Variants in SYCP2L observed in about 807,000 individuals in gnomAD.
SYCP2L encodes synaptonemal complex protein 2-like.
SYCP2L carries 98 observed loss-of-function variants against 125.8 expected under a neutral mutation model. The ratio of observed to expected loss-of-function variants is 0.78; its 90% confidence interval spans 0.66 to 0.92. SYCP2L has a LOEUF of 0.92. Among genes scored for constraint, SYCP2L ranks in the 40% least tolerant of loss-of-function variants. The pLI is 0.00. For synonymous variants in SYCP2L, 317 were observed against 325.4 expected, an observed-to-expected ratio of 0.97 and a Z score of 0.28; for missense variants, 842 against 936.4, an observed-to-expected ratio of 0.90 and a Z score of 1.32.
chr6:10,969,837 C>T lies in SYCP2L; in HGVS notation c.*38-4115C>T, dbSNP rs115372605. On this transcript the variant is annotated intron_variant, in intron 29 of 29. Transcript: ENST00000283141. Reference sequence around the variant, plus strand: ...GAAAGATTTACATGATATTAATTGACTTGAGAAGATGTTTAACAGTAAGTG... The same window carrying T: ...GAAAGATTTACATGATATTAATTGATTTGAGAAGATGTTTAACAGTAAGTG... Among the ~76,000 whole-genome samples, 824 of 152,250 alleles carry T rather than the reference C, an allele frequency of 5.4e-3. 4 individuals are homozygous for T. Among genetic ancestry groups the T allele is most frequent in the Admixed American group, 9.3e-3 (142 of 15,288 alleles).
chr6:10,909,357 A>G (rs1173141544), intron 10 of SYCP2L, among the ~76,000 whole-genome samples: 3 of 151,580 alleles, frequency 2.0e-5, no homozygotes, highest in Admixed American at 6.6e-5. Context: ...CCAATTCCCA[A>G]CCTCAGGTGA....
chr6:10,910,025 C>T, intron 10 of SYCP2L, 123 bp from the exon 11 acceptor site: 1 of 685,676 alleles, frequency 1.5e-6, no homozygotes, highest in South Asian at 1.9e-5. Flanking sequence ...CCTTGTAAAG[C>T]CTCATTGATG....
chr6:10,942,357 T>C lies in SYCP2L; in HGVS notation c.1814-102T>C, dbSNP rs1006454106. ...ATTTTTGTTTCACTTAGAACTGTGT[T>C]CCTTTTTTTTGATGATGAGATTTAA... On this transcript the variant is annotated intron_variant, in intron 21 of 29. Coordinates refer to ENST00000283141, the MANE Select transcript of SYCP2L (RefSeq NM_001040274.3). 8.0e-6 allele frequency: 6 copies of C among 753,206 alleles called. No individual in the cohort carries two copies. The Admixed American group carries it at 2.1e-4, about 26-fold the overall frequency. The allele number at this position is 753,206 out of a possible 1,614,324, so 46.7% of individuals were successfully genotyped here. A position where few individuals can be genotyped will look rare whatever the true frequency, so the allele number is the denominator to read the frequency against.
At chr6:10,933,935 G>A (rs1781045075) in intron 20 of SYCP2L, among the ~76,000 whole-genome samples, 1 of 152,142 alleles carries the variant, frequency 6.6e-6, no homozygotes, top group African/African-American at 2.4e-5. Context: ...AGCTTAGTAA[G>A]CTGAGTAAAG....
In SYCP2L at chr6:10,961,348, T is replaced by A; in HGVS notation, c.2299T>A (p.Leu767Met). 5.0e-6 allele frequency: 8 copies of A among 1,614,142 alleles called. No individual in the cohort carries two copies. Among genetic ancestry groups the A allele is most frequent in the Non-Finnish European group, 6.8e-6 (8 of 1,180,022 alleles). The change falls in exon 27 of 30, where the codon TTG becomes ATG. Residue 767 changes from leucine (L) to methionine (M), a missense_variant. Coordinates refer to ENST00000283141, the MANE Select transcript of SYCP2L (RefSeq NM_001040274.3). ...ERFQNLVLQE[L>M]SSLKQDIQAL... is the part of the protein sequence containing the mutation. ...CTTTCAAAATTTGGTTCTTCAAGAG[T>A]TGAGCAGTCTTAAGCAGGATATTCA... is the stretch of plus-strand genomic sequence containing the variant.
chr6:10,902,299 C>T (rs1780391580), intron 6 of SYCP2L, among the ~76,000 whole-genome samples: 1 of 152,182 alleles, frequency 6.6e-6, no homozygotes, highest in Admixed American at 6.5e-5. Flanking sequence ...ACTTTCCCCC[C>T]TGCATTTTGA....
rs1780896854 is a variant in SYCP2L, at chr6:10,926,358, A to C, written c.1238A>C (p.Lys413Thr). The C allele has an allele frequency of 1.2e-6, 2 of 1,613,838 alleles. No individual in the cohort carries two copies. The highest frequency in any genetic ancestry group is 1.7e-6 in the Non-Finnish European group (2 of 1,179,906). ...EDKQMLPDQT[K>T]ISSELFSKSD... ...TTTCAGATGTTGCCTGACCAGACGA[A>C]AATCTCCTCAGAACTTTTTAGTAAG... The change falls in exon 16 of 30, where the codon AAA becomes ACA. Residue 413 changes from lysine (K) to threonine (T), a missense_variant. Transcript: ENST00000283141.
intron 23 of SYCP2L, among the ~76,000 whole-genome samples, chr6:10,943,997 T>C (rs567542743): frequency 6.6e-6 from 1 of 152,194 alleles, no homozygotes; most frequent in African/African-American, 2.4e-5. Context: ...TTAGAAATAA[T>C]GCCACTATGA....
At chr6:10,892,937 A>G (rs1210346905) in intron 2 of SYCP2L, among the ~76,000 whole-genome samples, 1 of 118,400 alleles carries the variant, frequency 8.4e-6, no homozygotes, top group Non-Finnish European at 1.7e-5. Flanking sequence ...TTAACCTGTA[A>G]GATTTTTTTA....
chr6:10,898,240 C>A (rs907371370), intron 5 of SYCP2L, 125 bp downstream of exon 5: 1 of 707,142 alleles, frequency 1.4e-6, no homozygotes, highest in Admixed American at 2.4e-5. Context: ...CATGGCTGGG[C>A]GTGATGGTTC....
intron 17 of SYCP2L, 143 bp downstream of exon 17, chr6:10,927,510 A>T (rs1780918785): frequency 4.6e-6 from 3 of 651,596 alleles, no homozygotes; most frequent in Non-Finnish European, 7.9e-6. Context: ...GAGCTGTAAA[A>T]CCAGCAAGTT....
At chr6:10,942,997 C>A (rs1030147612) in intron 23 of SYCP2L, among the ~76,000 whole-genome samples, 2 of 152,106 alleles carry the variant, frequency 1.3e-5, no homozygotes, top group African/African-American at 4.8e-5. Context: ...GGACCTGAAT[C>A]CCACCAGCCA....
At chr6:10,920,542 T>C (rs1780778296) in intron 14 of SYCP2L, among the ~76,000 whole-genome samples, 1 of 152,186 alleles carries the variant, frequency 6.6e-6, no homozygotes, top group South Asian at 2.1e-4. Context: ...AGCAAACATA[T>C]AGTTAGATGA....
chr6:10,920,082 T>C (rs2113337120), intron 14 of SYCP2L, among the ~76,000 whole-genome samples: 1 of 152,342 alleles, frequency 6.6e-6, no homozygotes, highest in Middle Eastern at 3.4e-3. Context: ...CATCAGGTGG[T>C]CTGGCTGGTG....
intron 21 of SYCP2L, 140 bp downstream of exon 21, chr6:10,935,327 T>A: frequency 1.1e-6 from 1 of 896,802 alleles, no homozygotes; most frequent in Non-Finnish European, 1.7e-6. Context: ...ATGTCTCTTA[T>A]TAGCAAATTA....
intron 14 of SYCP2L, among the ~76,000 whole-genome samples, chr6:10,914,849 C>T (rs536634231): frequency 6.7e-5 from 10 of 149,464 alleles, no homozygotes; most frequent in Non-Finnish European, 1.0e-4. Context: ...TGGGTTCAAG[C>T]GATTCTCCTG....
intron 23 of SYCP2L, among the ~76,000 whole-genome samples, chr6:10,952,726 A>C (rs1225742): frequency 3.3e-5 from 5 of 152,148 alleles, no homozygotes; most frequent in African/African-American, 1.2e-4. Context: ...TAGACACCAC[A>C]GAAGATGCAA....
At chr6:10,916,984 T>TC (rs1193194455) in intron 14 of SYCP2L, among the ~76,000 whole-genome samples, 3 of 152,200 alleles carry the variant, frequency 2.0e-5, no homozygotes, top group African/African-American at 7.2e-5. Context: ...AGAGCAAGAC[T>TC]CCATTTCAAA....
At chr6:10,937,736 C>T (rs1781126518) in intron 21 of SYCP2L, among the ~76,000 whole-genome samples, 1 of 152,106 alleles carries the variant, frequency 6.6e-6, no homozygotes, top group Admixed American at 6.6e-5. Context: ...GGAGACACTA[C>T]AACTGATACC....
Sources: gnomAD v4.1 joint callset for allele counts (sites outside exome capture counted in the v4.1 genomes callset) on GRCh38, gnomAD v4.1.1 for gene constraint, MANE v1.5 for transcripts, NCBI Gene and HGNC (gene_info 2026-07-23, HGNC 2026-07-21) for gene names.